Variants in UBFD1 observed in about 807,000 individuals in gnomAD.
UBFD1 encodes the protein ubiquitin domain-containing protein UBFD1.
Under a neutral mutation model 35.1 loss-of-function variants are expected in UBFD1, and 12 were observed. The ratio of observed to expected loss-of-function variants is 0.34; its 90% CI spans 0.22 to 0.55. UBFD1 has a LOEUF of 0.55. Ranked by LOEUF, UBFD1 falls within the 20% of genes least tolerant of loss-of-function variation. The probability of loss-of-function intolerance (pLI) is 0.89; values close to 1 mark genes in which losing one functional copy is unlikely to be tolerated. For synonymous variants in UBFD1, 178 were observed against 167.6 expected, an observed-to-expected ratio of 1.06 and a Z score of -0.48; for missense variants, 337 against 410.8, an observed-to-expected ratio of 0.82 and a Z score of 1.55.
rs372093037 is a variant in UBFD1 at position 23,558,143 on chromosome 16, C to T, written c.219C>T (p.Asn73=). 1.2e-6 allele frequency: 2 copies of T among 1,604,162 alleles called. No homozygotes were observed. Among genetic ancestry groups the T allele is most frequent in the Non-Finnish European group, 1.7e-6 (2 of 1,176,278 alleles). Residue 73 remains asparagine, a synonymous_variant, in exon 2 of 7, where the codon AAC becomes AAT. Coordinates refer to ENST00000395878, the MANE Select transcript of UBFD1 (RefSeq NM_019116.3). ...GDPAAQASVS[N]GEDAGGGAGR... ...CCGCAGCCCAGGCCTCGGTCAGCAA[C>T]GGCGAAGACGCGGGCGGCGGCGCGG...
In UBFD1 at chr16:23,563,777, G is replaced by A. The variant is rs905751074; in HGVS notation, c.736+1047G>A. On this transcript the variant is annotated intron_variant, in intron 5 of 6. Transcript: ENST00000395878. ...CTGTGGTCCCCTGTGTATTTTAGCC[G>A]CATCTCTCTGTGAAGCTCCCAGTGT... 5.9e-5 allele frequency among the ~76,000 whole-genome samples: 9 copies of A among 152,142 alleles called. No individual in the cohort carries two copies. The South Asian group carries it at 6.2e-4, about 11-fold the overall frequency.
intron 1 of UBFD1, 65 bp from the exon 2 acceptor site, chr16:23,557,885 G>T (rs1965839716): frequency 1.6e-6 from 2 of 1,269,010 alleles, no homozygotes; most frequent in Non-Finnish European, 2.0e-6. Context: ...GTCCGGCGGC[G>T]CCCGGACAGC....
rs1439325098 is a variant in UBFD1, at chr16:23,571,162, TTTTTG to T, written c.*577_*581del. On this transcript the variant is annotated 3_prime_UTR_variant, in exon 7 of 7. Coordinates refer to ENST00000395878, the MANE Select transcript of UBFD1 (RefSeq NM_019116.3). ...CATTCTCTCGCTTCCTCAATTTGAG[TTTTTG>T]TTTTAAGAACCCAAAGATGTCAGTT... is the stretch of plus-strand genomic sequence containing the variant. 3 of 152,528 alleles carry T rather than the reference TTTTTG, an allele frequency of 2.0e-5. No individual in the cohort carries two copies. Among genetic ancestry groups the T allele is most frequent in the Non-Finnish European group, 2.9e-5 (2 of 68,032 alleles). The allele number at this position is 152,528 out of a possible 1,614,324, so 9.4% of individuals were successfully genotyped here.
chr16:23,567,213 C>A, intron 6 of UBFD1, 144 bp downstream of exon 6: 1 of 703,510 alleles, frequency 1.4e-6, no homozygotes, highest in South Asian at 1.8e-5. Context: ...TTTTCTTCAT[C>A]TACTTAGAAC....
intron 5 of UBFD1, 95 bp downstream of exon 5, chr16:23,562,825 A>T: frequency 1.9e-6 from 2 of 1,051,908 alleles, no homozygotes; most frequent in Non-Finnish European, 2.9e-6. Flanking sequence ...CTCCTTCTGA[A>T]ACCTCTCTCT....
At chr16:23,557,908 G>T (rs1965840652) in intron 1 of UBFD1, 42 bp from the exon 2 acceptor site, 1 of 1,286,636 alleles carries the variant, frequency 7.8e-7, no homozygotes, top group Non-Finnish European at 9.8e-7. Context: ...CCGTTCCCAA[G>T]CCCAGCCCGC....
chr16:23,567,164 C>A, intron 6 of UBFD1, 95 bp downstream of exon 6: 1 of 1,211,004 alleles, frequency 8.3e-7, no homozygotes, highest in South Asian at 1.3e-5. Flanking sequence ...CGGAAGAAAA[C>A]TCAGTCTCCA....
chr16:23,570,008 G>T (rs879693616), intron 6 of UBFD1, among the ~76,000 whole-genome samples: 3 of 152,216 alleles, frequency 2.0e-5, no homozygotes, highest in Non-Finnish European at 4.4e-5. Context: ...TGATGGATAT[G>T]TAGGTTGCCC....
rs771687185 is a variant in UBFD1, at chr16:23,562,645, G to A, written c.651G>A (p.Pro217=). 6.2e-6 allele frequency: 10 copies of A among 1,614,034 alleles called. No individual in the cohort carries two copies. Among genetic ancestry groups the A allele is most frequent in the African/African-American group, 1.3e-5 (1 of 75,034 alleles). The change falls in exon 5 of 7, where the codon CCG becomes CCA. Residue 217 remains proline (P), a synonymous_variant. Coordinates refer to ENST00000395878, the MANE Select transcript of UBFD1 (RefSeq NM_019116.3). The part of the protein sequence containing the change: ...KGAQERLPTV[P]LSGMYNKSGG... ...TTCAGGAGCGCCTGCCAACGGTACC[G>A]CTGTCCGGCATGTACAATAAATCTG...
chr16:23,563,753 T>C (rs1965972039), intron 5 of UBFD1, among the ~76,000 whole-genome samples: 1 of 152,260 alleles, frequency 6.6e-6, no homozygotes, highest in African/African-American at 2.4e-5. Flanking sequence ...CCGTTTGCCC[T>C]GTGGTCCCCT....
intron 6 of UBFD1, among the ~76,000 whole-genome samples, chr16:23,567,715 C>T (rs1223311008): frequency 6.6e-6 from 1 of 152,276 alleles, no homozygotes; most frequent in East Asian, 1.9e-4. Context: ...TTTCCCAGTG[C>T]TCTTTGGAGG....
intron 2 of UBFD1, among the ~76,000 whole-genome samples, chr16:23,558,781 CT>C (rs1296706599): frequency 6.9e-6 from 1 of 145,976 alleles, no homozygotes; most frequent in Non-Finnish European, 1.5e-5. Flanking sequence ...TTTCTTTTTC[CT>C]ATTTTTTTTT....
chr16:23,570,858 G>A lies in UBFD1; in HGVS notation c.*268G>A, dbSNP rs1966073498. 1.1e-5 allele frequency: 3 copies of A among 276,470 alleles called. No individual in the cohort carries two copies. Among genetic ancestry groups the A allele is most frequent in the South Asian group, 6.3e-5 (1 of 15,848 alleles). The allele number at this position is 276,470 out of a possible 1,614,324, so 17.1% of individuals were successfully genotyped here. On this transcript the variant is annotated 3_prime_UTR_variant, in exon 7 of 7. Coordinates refer to ENST00000395878, the MANE Select transcript of UBFD1 (RefSeq NM_019116.3). ...ATGGAAATCAATAAATCTGAATTCCGAACATGTTGTGTGGAATACTCTTAA... is the reference window on the plus strand; with the variant it reads ...ATGGAAATCAATAAATCTGAATTCCAAACATGTTGTGTGGAATACTCTTAA...
At chr16:23,562,546 G>T (rs1965951828) in intron 4 of UBFD1, 79 bp from the exon 5 acceptor site, 1 of 1,347,416 alleles carries the variant, frequency 7.4e-7, no homozygotes, top group African/African-American at 1.4e-5. Flanking sequence ...GGGATTACAG[G>T]CGTGAGCCAC....
In UBFD1 at chr16:23,570,567, C is replaced by T; in HGVS notation, c.907C>T (p.Leu303=). Reference sequence around the variant, plus strand: ...TGTGGATGCAATCAAAGACACTGTGCTGGGGAAATGGCAGTATTTTTGAAA... The same window carrying T: ...TGTGGATGCAATCAAAGACACTGTGTTGGGGAAATGGCAGTATTTTTGAAA... ...QYVDAIKDTV[L]GKWQYF is the part of the protein sequence containing the mutation. The change falls in exon 7 of 7, where the codon CTG becomes TTG. Residue 303 remains leucine, a synonymous_variant. Coordinates refer to ENST00000395878, the MANE Select transcript of UBFD1 (RefSeq NM_019116.3). 2 of 1,614,004 alleles carry T rather than the reference C, an allele frequency of 1.2e-6. No homozygotes were observed. Among genetic ancestry groups the T allele is most frequent in the Non-Finnish European group, 1.7e-6 (2 of 1,179,948 alleles).
chr16:23,559,185 G>A, intron 2 of UBFD1: 1 of 303,492 alleles, frequency 3.3e-6, no homozygotes, highest in Non-Finnish European at 6.3e-6. Flanking sequence ...AAGAATGAGA[G>A]CTAGTACTTA....
chr16:23,570,214 C>A (rs1010311263), intron 6 of UBFD1, among the ~76,000 whole-genome samples: 1 of 152,156 alleles, frequency 6.6e-6, no homozygotes, highest in Non-Finnish European at 1.5e-5. Flanking sequence ...AGGGTTGGAG[C>A]CTGCTGATCC....
At chr16:23,559,347 A>T (rs1434961594) in intron 2 of UBFD1, 121 bp from the exon 3 acceptor site, 1 of 821,786 alleles carries the variant, frequency 1.2e-6, no homozygotes, top group Non-Finnish European at 1.9e-6. Flanking sequence ...CCAAGTTCAC[A>T]AAGCTAATAG....
At chr16:23,559,212 T>A (rs1965889628) in intron 2 of UBFD1, 3 of 357,434 alleles carry the variant, frequency 8.4e-6, no homozygotes, top group Non-Finnish European at 1.0e-5. Context: ...AATTATTCAA[T>A]GCTAGCCACC....
Sources: allele counts gnomAD v4.1 joint callset (sites outside exome capture counted in the v4.1 genomes callset), GRCh38; gene constraint gnomAD v4.1.1; transcripts MANE v1.5; gene names NCBI Gene and HGNC (gene_info 2026-07-23, HGNC 2026-07-21).